WDR70: variants seen among roughly 807,000 people sequenced by gnomAD.
The protein encoded by WDR70 is WD repeat domain 70.
WDR70 carries 53 observed loss-of-function variants against 88.6 expected under a neutral mutation model. That is an observed-to-expected ratio of 0.60 (90% CI 0.48 to 0.75). The LOEUF (loss-of-function observed/expected upper bound fraction) is 0.75. WDR70 is among the 30% of genes least tolerant of loss of function. The pLI, the probability that WDR70 is intolerant of heterozygous loss-of-function variation, is 0.00. For synonymous variants in WDR70, 280 were observed against 270.0 expected, an observed-to-expected ratio of 1.04 and a Z score of -0.36; for missense variants, 610 against 823.2, an observed-to-expected ratio of 0.74 and a Z score of 3.17.
At chr5:37,557,956 T>TACTCTTTTGAAA (rs1561900797) in intron 9 of WDR70, among the ~76,000 whole-genome samples, 2 of 145,032 alleles carry the variant, frequency 1.4e-5, no homozygotes, top group Non-Finnish European at 1.6e-5. Context: ...TTCAAAAGAG[T>TACTCTTTTGAAA]ATTATGTATA....
intron 7 of WDR70, among the ~76,000 whole-genome samples, chr5:37,471,324 G>A (rs1274473041): frequency 1.3e-5 from 2 of 150,914 alleles, no homozygotes; most frequent in East Asian, 1.9e-4. Flanking sequence ...TGGATATATA[G>A]TAGTATTTCA....
At chr5:37,749,210 A>T (rs1748726241) in intron 17 of WDR70, among the ~76,000 whole-genome samples, 1 of 152,340 alleles carries the variant, frequency 6.6e-6, no homozygotes, top group South Asian at 2.1e-4. Context: ...ACTAACCCAA[A>T]TGCCCGTCAG....
At chr5:37,681,122 T>G (rs1241811846) in intron 10 of WDR70, among the ~76,000 whole-genome samples, 1 of 151,980 alleles carries the variant, frequency 6.6e-6, no homozygotes, top group East Asian at 1.9e-4. Context: ...TTTGAGCAGT[T>G]TTTTTTTGTA....
At position 37,483,960 on chromosome 5, in the gene WDR70, C is replaced by T. The variant is rs564304675; in HGVS notation, c.840+3973C>T. On this transcript the variant is annotated intron_variant, in intron 8 of 17. Coordinates refer to ENST00000265107, the MANE Select transcript of WDR70 (RefSeq NM_018034.4). ...GGCGCTCCTCACATCCCAGACGGGG[C>T]GGCGGGGCAGAGGCGCTCCCCACAT... is the stretch of plus-strand genomic sequence containing the variant. 1.7e-4 allele frequency among the ~76,000 whole-genome samples: 25 copies of T among 148,298 alleles called. 1 individual carries two copies. Among genetic ancestry groups the T allele is most frequent in the Middle Eastern group, 3.6e-3 (1 of 274 alleles).
At chr5:37,689,440 G>A (rs1437953433) in intron 10 of WDR70, among the ~76,000 whole-genome samples, 2 of 152,152 alleles carry the variant, frequency 1.3e-5, no homozygotes, top group Non-Finnish European at 1.5e-5. Context: ...AGTAGGGGCC[G>A]ACAGACACCT....
chr5:37,442,241 T>C (rs1393408278), intron 6 of WDR70, among the ~76,000 whole-genome samples: 1 of 151,964 alleles, frequency 6.6e-6, no homozygotes, highest in African/African-American at 2.4e-5. Flanking sequence ...TTCTCCATGT[T>C]GGTCAGGCTG....
rs917743294 is a variant in WDR70, at chr5:37,714,137, G to A, written c.1417-6978G>A. Among the ~76,000 whole-genome samples, 8 of 152,122 alleles carry A rather than the reference G, an allele frequency of 5.3e-5. 1 individual carries two copies. Among genetic ancestry groups the A allele is most frequent in the East Asian group, 3.8e-4 (2 of 5,198 alleles). ...ATAAATAATATTTTACATATCCTGCGTAGTTCGTCTATACAGGAAGATTCA... is the reference window on the plus strand; with the variant it reads ...ATAAATAATATTTTACATATCCTGCATAGTTCGTCTATACAGGAAGATTCA... On this transcript the variant is annotated intron_variant, in intron 13 of 17. Transcript: ENST00000265107.
chr5:37,610,399 T>A (rs1744158372), intron 10 of WDR70, among the ~76,000 whole-genome samples: 1 of 152,046 alleles, frequency 6.6e-6, no homozygotes, highest in African/African-American at 2.4e-5. Flanking sequence ...TTAAATGGGA[T>A]CCTGTAATTT....
chr5:37,454,321 T>A (rs536157182), intron 7 of WDR70, among the ~76,000 whole-genome samples: 46 of 152,182 alleles, frequency 3.0e-4, no homozygotes, highest in East Asian at 7.7e-4. Context: ...TAGTTTTTTT[T>A]AAAAAAATAA....
chr5:37,432,598 G>A (rs529038630), intron 5 of WDR70, among the ~76,000 whole-genome samples: 40 of 150,930 alleles, frequency 2.7e-4, no homozygotes, highest in South Asian at 6.3e-4. Context: ...GGGTTTCGCC[G>A]TGTTAGCCAG....
chr5:37,476,455 C>T (rs896274820), intron 7 of WDR70, among the ~76,000 whole-genome samples: 6 of 152,310 alleles, frequency 3.9e-5, no homozygotes, highest in African/African-American at 1.4e-4. Flanking sequence ...GAGAAATCCA[C>T]CTATGGGAAA....
chr5:37,491,974 C>G (rs2112194348), intron 8 of WDR70, among the ~76,000 whole-genome samples: 1 of 152,230 alleles, frequency 6.6e-6, no homozygotes, highest in South Asian at 2.1e-4. Flanking sequence ...GGAGTACTTT[C>G]TTACATTTTG....
chr5:37,605,403 A>G (rs544566784), intron 10 of WDR70, among the ~76,000 whole-genome samples, 165 bp downstream of exon 10: 2 of 152,336 alleles, frequency 1.3e-5, no homozygotes, highest in East Asian at 3.9e-4. Flanking sequence ...CTTTTGTAGT[A>G]TACAGCATTT....
At chr5:37,533,373 C>G (rs1014287234) in intron 9 of WDR70, among the ~76,000 whole-genome samples, 4 of 152,146 alleles carry the variant, frequency 2.6e-5, no homozygotes, top group Non-Finnish European at 4.4e-5. Flanking sequence ...GGGCGTATCA[C>G]TTGAGGTCAG....
Position 37,516,528 on chromosome 5 carries a change from G to A in WDR70, c.855G>A (p.Met285Ile). 1 of 1,600,238 alleles carries A rather than the reference G, an allele frequency of 6.2e-7. No homozygotes were observed. Among genetic ancestry groups the A allele is most frequent in the Non-Finnish European group, 8.5e-7 (1 of 1,170,948 alleles). ...DMANTKGHTA[M>I]LHTGSWHPKI... Reference sequence around the variant, plus strand: ...TTATTTTTAAGGGTCATACAGCAATGCTTCATACTGGCTCATGGCATCCCA... The same window carrying A: ...TTATTTTTAAGGGTCATACAGCAATACTTCATACTGGCTCATGGCATCCCA... Residue 285 changes from methionine (M) to isoleucine (I), a missense_variant, in exon 9 of 18, where the codon ATG (methionine) becomes ATA (isoleucine). This residue lies in a region of WDR70 where 83 missense variants were observed against 155.3 expected (regional missense o/e 0.53). Transcript: ENST00000265107.
intron 8 of WDR70, among the ~76,000 whole-genome samples, chr5:37,500,789 G>A (rs1215636949): frequency 1.4e-5 from 2 of 144,938 alleles, no homozygotes; most frequent in African/African-American, 2.6e-5. Flanking sequence ...GCAATGGCGC[G>A]ATCTCAGCTC....
At chr5:37,638,525 T>G (rs1745030402) in intron 10 of WDR70, among the ~76,000 whole-genome samples, 1 of 152,210 alleles carries the variant, frequency 6.6e-6, no homozygotes, top group African/African-American at 2.4e-5. Flanking sequence ...GGCAAGGTAG[T>G]AAGTTTTGTG....
At chr5:37,385,968 T>A (rs1322994563) in intron 3 of WDR70, among the ~76,000 whole-genome samples, 1 of 145,684 alleles carries the variant, frequency 6.9e-6, no homozygotes, top group Admixed American at 7.0e-5. Context: ...CATGCCTGGC[T>A]AATTTTTTTT....
At chr5:37,580,751 T>G (rs1743194631) in intron 9 of WDR70, among the ~76,000 whole-genome samples, 1 of 152,224 alleles carries the variant, frequency 6.6e-6, no homozygotes, top group South Asian at 2.1e-4. Context: ...AGCCAATACA[T>G]CCATGAATTA....
Sources: gnomAD v4.1 joint callset for allele counts (sites outside exome capture counted in the v4.1 genomes callset) on GRCh38, gnomAD v4.1.1 for gene constraint, gnomAD v4.1.1 regional missense constraint, MANE v1.5 for transcripts, NCBI Gene and HGNC (gene_info 2026-07-23, HGNC 2026-07-21) for gene names.